POLR1C: variants seen among roughly 807,000 people sequenced by gnomAD.
POLR1C encodes DNA-directed RNA polymerases I and III subunit RPAC1.
POLR1C carries 42 observed loss-of-function variants against 38.3 expected under a neutral mutation model. That is an observed-to-expected ratio of 1.10 (90% confidence interval 0.86 to 1.42). The LOEUF (loss-of-function observed/expected upper bound fraction) is 1.42. Among genes scored for constraint, POLR1C ranks in the 40% most tolerant of loss-of-function variants. The pLI is 0.00. For synonymous variants in POLR1C, 163 were observed against 163.9 expected (o/e 0.99, Z 0.04); for missense variants, 507 against 450.5 (o/e 1.13, Z -1.14).
intron 2 of POLR1C, 124 bp from the exon 3 acceptor site, chr6:43,519,209 A>G: frequency 1.4e-6 from 1 of 715,548 alleles, no homozygotes; most frequent in Non-Finnish European, 2.5e-6. Context: ...AATAAGAGAC[A>G]TTTGGGCAAA....
At chr6:43,531,373 C>T (rs978764200), downstream of POLR1C, 6 of 1,000,652 alleles carry the variant, frequency 6.0e-6, no homozygotes, top group Admixed American at 1.0e-4. Flanking sequence ...CTATCAAACT[C>T]TTGCCTCGCC....
At chr6:43,558,394 A>C in intron 10 of POLR1C, 1 of 966,606 alleles carries the variant, frequency 1.0e-6, no homozygotes, top group Non-Finnish European at 1.5e-6. Flanking sequence ...GCTGCTATCC[A>C]GATTTGGGGA....
chr6:43,524,434 AGG>A (rs1793414041), downstream of POLR1C: 1 of 1,596,672 alleles, frequency 6.3e-7, no homozygotes, highest in Non-Finnish European at 8.5e-7. Flanking sequence ...TGATTTAAGA[AGG>A]GGGTTGGGAG....
At chr6:43,555,823 GA>G (rs755031702) in intron 10 of POLR1C, 221 of 1,613,556 alleles carry the variant, frequency 1.4e-4, no homozygotes, top group Non-Finnish European at 1.7e-4. Flanking sequence ...ATTCAGTAAT[GA>G]AAAAAACTTA....
At chr6:43,528,234 A>G in intron 8 of POLR1C, 1 of 1,570,916 alleles carries the variant, frequency 6.4e-7, no homozygotes, top group Non-Finnish European at 8.6e-7. Flanking sequence ...AATAAATGCT[A>G]GAATTGGGGA....
downstream of POLR1C, chr6:43,524,337 A>C: frequency 2.5e-6 from 3 of 1,223,048 alleles, no homozygotes; most frequent in Non-Finnish European, 2.2e-6. Context: ...GGGCAACAAG[A>C]GTGAAACCCC....
At chr6:43,542,466 G>A (rs1461093769) in intron 9 of POLR1C, among the ~76,000 whole-genome samples, 1 of 151,986 alleles carries the variant, frequency 6.6e-6, no homozygotes, top group Non-Finnish European at 1.5e-5. Flanking sequence ...CTGGAGTACG[G>A]TAACATGATC....
At position 43,520,879 on chromosome 6, in the gene POLR1C, A is replaced by G. The variant is rs1026712855; in HGVS notation, c.806-53A>G. 2.5e-6 allele frequency: 4 copies of G among 1,603,120 alleles called. No homozygotes were observed. The African/African-American group carries it at 4.0e-5, about 16-fold the overall frequency. Reference sequence around the variant, plus strand: ...TCCTAAAAGTATAACCTGGTTTGCTACCAAGTGGCAAATTAGAAAAAGGAA... The same window carrying G: ...TCCTAAAAGTATAACCTGGTTTGCTGCCAAGTGGCAAATTAGAAAAAGGAA... On this transcript the variant is annotated intron_variant, in intron 7 of 8. Transcript: ENST00000642195.
rs1794576676 is a variant in POLR1C at position 43,539,649 on chromosome 6, T to C, written c.*4+10290T>C. 8 of 1,278,762 alleles carry C rather than the reference T, an allele frequency of 6.3e-6. No individual in the cohort carries two copies. In the Admixed American group the frequency reaches 7.9e-5, roughly 13 times the overall value. 79.2% of individuals were successfully genotyped at this position (1,278,762 alleles called of 1,614,324 possible). A position where few individuals can be genotyped will look rare whatever the true frequency, so the allele number is the denominator to read the frequency against. ...CTGCGGAAGCCACCGCGGTTCCCCA[T>C]CCCAGGGCCACCAGGGCCTCCAGGC... On this transcript the variant is annotated intron_variant, in intron 9 of 10. Transcript: ENST00000607635.
chr6:43,520,068 G>T lies in POLR1C; in HGVS notation c.385G>T (p.Asp129Tyr). ...PRLFEYRNQG[D>Y]EEGTEIDTLQ... ...AGGAGCTCCCTCCATTTGTGCAGGAGATGAAGAAGGCACAGAGATAGATAC... is the reference window on the plus strand; with the variant it reads ...AGGAGCTCCCTCCATTTGTGCAGGATATGAAGAAGGCACAGAGATAGATAC... Residue 129 changes from aspartate (D) to tyrosine (Y), a missense_variant and splice_region_variant, in exon 5 of 9, where the codon GAT becomes TAT. By Grantham distance (160) the Asp-to-Tyr change is radical. Transcript: ENST00000642195. 6.2e-7 allele frequency: 1 copy of T among 1,614,184 alleles called. No homozygotes were observed. The highest frequency in any genetic ancestry group is 8.5e-7 in the Non-Finnish European group (1 of 1,180,014).
At chr6:43,549,623 T>C in intron 9 of POLR1C, 1 of 1,593,460 alleles carries the variant, frequency 6.3e-7, no homozygotes, top group South Asian at 1.1e-5. Flanking sequence ...TTTAATATAA[T>C]ATACAGGTGC....
intron 8 of POLR1C, chr6:43,526,810 C>T: frequency 6.5e-7 from 1 of 1,544,732 alleles, no homozygotes; most frequent in Non-Finnish European, 8.8e-7. Context: ...ACAGCCACCT[C>T]AGGCCCACTG....
chr6:43,558,714 A>T, intron 10 of POLR1C: 4 of 682,644 alleles, frequency 5.9e-6, no homozygotes, highest in Non-Finnish European at 9.6e-6. Context: ...GAGATATTGT[A>T]TGGTAAATAT....
At position 43,519,326 on chromosome 6, in the gene POLR1C, C is replaced by T; in HGVS notation, c.142-7C>T. On this transcript the variant is annotated splice_region_variant and splice_polypyrimidine_tract_variant and intron_variant, in intron 2 of 8. Transcript: ENST00000642195. ...TTTCACTTAAATGTTTTTTCCTGTC[C>T]CTCTAGAATTTCCGTGTGGATGTAG... The T allele has an allele frequency of 6.4e-7, 1 of 1,558,570 alleles. No individual in the cohort carries two copies. The highest frequency in any genetic ancestry group is 8.9e-7 in the Non-Finnish European group (1 of 1,129,556).
chr6:43,536,946 T>C (rs1458604131), intron 9 of POLR1C, among the ~76,000 whole-genome samples: 1 of 150,986 alleles, frequency 6.6e-6, no homozygotes, highest in Non-Finnish European at 1.5e-5. Context: ...TGTCCCAGCA[T>C]TGAATAATTG....
At chr6:43,517,427 TGG>T in intron 2 of POLR1C, 50 bp downstream of exon 2, 1 of 1,476,702 alleles carries the variant, frequency 6.8e-7, no homozygotes. Context: ...CCAGACCTTG[TGG>T]TCTGAGCAGC....
At chr6:43,548,216 G>A in intron 9 of POLR1C, 1 of 1,503,734 alleles carries the variant, frequency 6.7e-7, no homozygotes, top group Non-Finnish European at 8.9e-7. Flanking sequence ...AAACCAAAAT[G>A]GGTGCTTGAG....
chr6:43,526,155 A>G, downstream of POLR1C: 1 of 520,534 alleles, frequency 1.9e-6, no homozygotes, highest in Non-Finnish European at 3.4e-6. Context: ...GAAACACAAA[A>G]TGCTGCAAAT....
chr6:43,526,697 C>T, intron 8 of POLR1C: 1 of 1,613,960 alleles, frequency 6.2e-7, no homozygotes, highest in Non-Finnish European at 8.5e-7. Context: ...TCTCCATCTG[C>T]TGGGGGAGCA....
Sources: allele counts gnomAD v4.1 joint callset (sites outside exome capture counted in the v4.1 genomes callset), GRCh38; gene constraint gnomAD v4.1.1; transcripts MANE v1.5; gene names NCBI Gene and HGNC (gene_info 2026-07-23, HGNC 2026-07-21).